The following ASXL2 variants were observed in gnomAD, a reference collection of about 807,000 sequenced individuals.
The protein encoded by ASXL2 is putative Polycomb group protein ASXL2.
ASXL2 carries 23 observed loss-of-function variants against 122.0 expected under a neutral mutation model. The observed-to-expected ratio is 0.19, with a 90% CI of 0.14 to 0.27. The LOEUF is 0.27. Among genes scored for constraint, ASXL2 ranks in the 10% least tolerant of loss-of-function variants. The pLI, the probability that ASXL2 is intolerant of heterozygous loss-of-function variation, is 1.00. For missense variants in ASXL2, 1,518 were observed against 1,713.8 expected (o/e 0.89, Z 2.02); for synonymous variants, 650 against 637.0 (o/e 1.02, Z -0.31).
intron 4 of ASXL2, among the ~76,000 whole-genome samples, chr2:25,803,730 C>A (rs916459732): frequency 1.3e-5 from 2 of 152,170 alleles, no homozygotes; most frequent in Non-Finnish European, 1.5e-5. Context: ...ATAGAGTACG[C>A]ACTCCTACAA....
chr2:25,747,678 A>G (rs994510911), intron 12 of ASXL2, among the ~76,000 whole-genome samples: 1 of 152,232 alleles, frequency 6.6e-6, no homozygotes, highest in African/African-American at 2.4e-5. Context: ...AGCAAAACCT[A>G]AACAGTTACT....
At position 25,736,126 on chromosome 2, in the gene ASXL2, T is replaced by C. The variant is rs1466919985; in HGVS notation, c.*5903A>G. ...ATAACATGATTTGTACATAAAAAGT[T>C]ACCAGACTTCTAAAGACCAGCTGAG... On this transcript the variant is annotated 3_prime_UTR_variant, in exon 13 of 13. Coordinates refer to ENST00000435504, the MANE Select transcript of ASXL2 (RefSeq NM_018263.6). 6.6e-6 allele frequency: 1 copy of C among 152,208 alleles called. No homozygotes were observed. Among genetic ancestry groups the C allele is most frequent in the African/African-American group, 2.4e-5 (1 of 41,456 alleles). 9.4% of individuals were successfully genotyped at this position (152,208 alleles called of 1,614,324 possible).
At position 25,808,629 on chromosome 2, in the gene ASXL2, G is replaced by T. The variant is rs548056836; in HGVS notation, c.144-2292C>A. Among the ~76,000 whole-genome samples the T allele has an allele frequency of 2.6e-5, 4 of 152,244 alleles. No individual in the cohort carries two copies. In the South Asian group the frequency reaches 8.3e-4, roughly 32 times the overall value. On this transcript the variant is annotated intron_variant, in intron 3 of 12. Transcript: ENST00000435504. ...TTACAGGTGTTAGCCACTGCGCCTG[G>T]CCAAAATTTTTAAAGTAGTATTACT... is the stretch of plus-strand genomic sequence containing the variant.
rs1371383270 is a variant in ASXL2 at position 25,740,212 on chromosome 2, G to A, written c.*1817C>T. Reference sequence around the variant, plus strand: ...GAAGTGAAAAGTGAAAAACAGTGAAGTGAGTTTCTTACGGAGAGGAGCGGA... The same window carrying A: ...GAAGTGAAAAGTGAAAAACAGTGAAATGAGTTTCTTACGGAGAGGAGCGGA... On this transcript the variant is annotated 3_prime_UTR_variant, in exon 13 of 13. Transcript: ENST00000435504. 2 of 219,760 alleles carry A rather than the reference G, an allele frequency of 9.1e-6. No homozygotes were observed. Among genetic ancestry groups the A allele is most frequent in the East Asian group, 1.3e-4 (2 of 14,952 alleles). The allele number at this position is 219,760 out of a possible 1,614,324, so 13.6% of individuals were successfully genotyped here. A position where few individuals can be genotyped will look rare whatever the true frequency, so the allele number is the denominator to read the frequency against.
At chr2:25,816,968 T>A (rs1003669091) in intron 3 of ASXL2, among the ~76,000 whole-genome samples, 11 of 152,090 alleles carry the variant, frequency 7.2e-5, no homozygotes, top group Non-Finnish European at 1.2e-4. Flanking sequence ...CTACTAAAAA[T>A]GCAAAAATTA....
chr2:25,878,446 C>CA lies in ASXL2; in HGVS notation c.-225dup, dbSNP rs2090029539. On this transcript the variant is annotated 5_prime_UTR_variant, in exon 1 of 13. The change abolishes an upstream ATG in the 5' untranslated region. Transcript: ENST00000435504. ...CCGTTGCCACTGCTACCGCCGCTGC[C>CA]ATATTGGGTTCTTACTGTACAGGCT... 5.1e-6 allele frequency: 3 copies of CA among 591,486 alleles called. No individual in the cohort carries two copies. In the African/African-American group the frequency reaches 5.6e-5, roughly 11 times the overall value. The allele number at this position is 591,486 out of a possible 1,614,324, so 36.6% of individuals were successfully genotyped here.
At chr2:25,793,069 A>G (rs1350488332) in intron 5 of ASXL2, among the ~76,000 whole-genome samples, 1 of 151,700 alleles carries the variant, frequency 6.6e-6, no homozygotes, top group Non-Finnish European at 1.5e-5. Context: ...CCTGCCCAAC[A>G]TGGAGAAATT....
Position 25,809,939 on chromosome 2 carries a change from G to A in ASXL2, c.144-3602C>T, listed in dbSNP as rs934958271. On this transcript the variant is annotated intron_variant, in intron 3 of 12. Coordinates refer to ENST00000435504, the MANE Select transcript of ASXL2 (RefSeq NM_018263.6). ...ACTGAGGTGCTCTACATCTCATTCA[G>A]GTCAAGCAGAGTCTGGTCCAGCATC... 1.9e-5 allele frequency: 10 copies of A among 522,182 alleles called. No homozygotes were observed. In the African/African-American group the frequency reaches 1.9e-4, roughly 10 times the overall value. 32.3% of individuals were successfully genotyped at this position (522,182 alleles called of 1,614,324 possible). A position where few individuals can be genotyped will look rare whatever the true frequency, so the allele number is the denominator to read the frequency against.
At chr2:25,807,265 A>G (rs1199209007) in intron 3 of ASXL2, among the ~76,000 whole-genome samples, 7 of 152,308 alleles carry the variant, frequency 4.6e-5, no homozygotes, top group African/African-American at 1.2e-4. Flanking sequence ...ATGCTACTCA[A>G]TAACCAAAAA....
intron 10 of ASXL2, among the ~76,000 whole-genome samples, chr2:25,753,880 T>C (rs1322204431): frequency 2.6e-5 from 4 of 152,194 alleles, no homozygotes; most frequent in African/African-American, 9.7e-5. Flanking sequence ...GCCTTTTCGC[T>C]GGGCTTCCCT....
At chr2:25,796,732 A>G (rs2149169885) in intron 5 of ASXL2, among the ~76,000 whole-genome samples, 2 of 152,372 alleles carry the variant, frequency 1.3e-5, no homozygotes, top group African/African-American at 4.8e-5. Context: ...GGCAAGTAAA[A>G]TAAAAGCATC....
intron 1 of ASXL2, among the ~76,000 whole-genome samples, chr2:25,851,069 C>A (rs1439288680): frequency 1.3e-5 from 2 of 151,408 alleles, no homozygotes; most frequent in Non-Finnish European, 2.9e-5. Flanking sequence ...TCACTTGAAC[C>A]TGGGAGGCGA....
chr2:25,748,178 G>C lies in ASXL2; in HGVS notation c.1860+1518C>G, dbSNP rs955500592. 3.3e-4 allele frequency among the ~76,000 whole-genome samples: 49 copies of C among 147,920 alleles called. 1 individual carries two copies. Among genetic ancestry groups the C allele is most frequent in the Non-Finnish European group, 1.3e-4 (9 of 66,894 alleles). On this transcript the variant is annotated intron_variant, in intron 12 of 12. Coordinates refer to ENST00000435504, the MANE Select transcript of ASXL2 (RefSeq NM_018263.6). ...GGACGACAGTGCAAGACTCCATCTT[G>C]GGGGGCAAAAAACAAGCAATGAATA... is the stretch of plus-strand genomic sequence containing the variant.
chr2:25,864,065 G>A (rs1248556895), intron 1 of ASXL2, among the ~76,000 whole-genome samples: 3 of 151,546 alleles, frequency 2.0e-5, no homozygotes, highest in African/African-American at 4.8e-5. Flanking sequence ...ATTAAGTGAA[G>A]AAAGGTGTGG....
chr2:25,843,071 C>T (rs564483137), intron 2 of ASXL2, among the ~76,000 whole-genome samples: 123 of 151,246 alleles, frequency 8.1e-4, no homozygotes, highest in African/African-American at 2.9e-3. Flanking sequence ...GAGGCCAAGG[C>T]GGGCGGATCA....
intron 3 of ASXL2, among the ~76,000 whole-genome samples, chr2:25,817,343 A>G (rs1381295915): frequency 6.6e-6 from 1 of 152,246 alleles, no homozygotes; most frequent in South Asian, 2.1e-4. Flanking sequence ...TTAAAATGAC[A>G]ATACACTTTC....
chr2:25,835,506 A>G (rs1202965118), intron 3 of ASXL2, 32 bp downstream of exon 3: 1 of 277,832 alleles, frequency 3.6e-6, no homozygotes, highest in Admixed American at 3.9e-5. Context: ...TAATTGCATA[A>G]TACTTCTTTA....
intron 4 of ASXL2, among the ~76,000 whole-genome samples, chr2:25,801,379 G>A (rs2088994394): frequency 2.6e-5 from 4 of 152,134 alleles, no homozygotes; most frequent in African/African-American, 7.2e-5. Context: ...ACTGACATCC[G>A]TATGACATTA....
At position 25,853,081 on chromosome 2, in the gene ASXL2, C is replaced by T. The variant is rs551429856; in HGVS notation, c.58-7518G>A. On this transcript the variant is annotated intron_variant, in intron 1 of 12. Coordinates refer to ENST00000435504, the MANE Select transcript of ASXL2 (RefSeq NM_018263.6). ...GGAGACCCAAATATCCCTGCATATCCCATCTTCCCCCTTTCCACCATGAGT... is the reference window on the plus strand; with the variant it reads ...GGAGACCCAAATATCCCTGCATATCTCATCTTCCCCCTTTCCACCATGAGT... Among the ~76,000 whole-genome samples, 7 of 152,284 alleles carry T rather than the reference C, an allele frequency of 4.6e-5. No homozygotes were observed. The South Asian group carries it at 8.3e-4, about 18-fold the overall frequency.
Sources: allele counts gnomAD v4.1 joint callset (sites outside exome capture counted in the v4.1 genomes callset), GRCh38; gene constraint gnomAD v4.1.1; transcripts MANE v1.5; gene names NCBI Gene and HGNC (gene_info 2026-07-23, HGNC 2026-07-21).